Variants in ISOC1 observed in about 807,000 individuals in gnomAD.
ISOC1 encodes isochorismatase domain containing 1, also known as isochorismatase domain-containing protein 1.
Under a neutral mutation model 30.0 loss-of-function variants are expected in ISOC1, and 33 were observed. That is an observed-to-expected ratio of 1.10 (90% CI 0.83 to 1.47). The LOEUF (loss-of-function observed/expected upper bound fraction) is 1.47, where lower values mean the gene tolerates loss of function less well. ISOC1 is among the 40% of genes most tolerant of loss of function. The pLI is 0.00. For missense variants in ISOC1, 372 were observed against 388.0 expected (o/e 0.96, Z 0.35); for synonymous variants, 178 against 159.8 (o/e 1.11, Z -0.86).
chr5:129,109,314 G>A (rs1359625513), intron 4 of ISOC1, among the ~76,000 whole-genome samples: 1 of 152,166 alleles, frequency 6.6e-6, no homozygotes, highest in Non-Finnish European at 1.5e-5. Context: ...TTTCTCATTG[G>A]TGAAATGGAA....
At chr5:129,112,518 C>A (rs758635078) in intron 4 of ISOC1, among the ~76,000 whole-genome samples, 1 of 152,152 alleles carries the variant, frequency 6.6e-6, no homozygotes, top group Non-Finnish European at 1.5e-5. Context: ...GTGATGGGCA[C>A]GTAGTAACAA....
chr5:129,111,621 CT>C (rs972828933), intron 4 of ISOC1, among the ~76,000 whole-genome samples: 3 of 151,980 alleles, frequency 2.0e-5, no homozygotes, highest in South Asian at 2.1e-4. Context: ...CAGTTTGTGT[CT>C]TTTTTTTCCC....
intron 3 of ISOC1, 37 bp downstream of exon 3, chr5:129,105,425 T>A (rs1394108697): frequency 8.4e-6 from 13 of 1,540,038 alleles, no homozygotes; most frequent in Non-Finnish European, 1.2e-5. Flanking sequence ...CACAATATTA[T>A]TTATAGAAAA....
intron 3 of ISOC1, among the ~76,000 whole-genome samples, chr5:129,106,050 G>A (rs745451560): frequency 1.3e-5 from 2 of 152,122 alleles, no homozygotes; most frequent in African/African-American, 2.4e-5. Context: ...ATTTCCTCAG[G>A]CTTAGATGTA....
chr5:129,112,190 T>G (rs1352653037), intron 4 of ISOC1, among the ~76,000 whole-genome samples: 3 of 152,308 alleles, frequency 2.0e-5, no homozygotes, highest in African/African-American at 7.2e-5. Context: ...CAATTATATC[T>G]GTAGTACAGC....
chr5:129,098,574 T>C (rs552585631), intron 1 of ISOC1, among the ~76,000 whole-genome samples: 1 of 152,108 alleles, frequency 6.6e-6, no homozygotes, highest in Non-Finnish European at 1.5e-5. Context: ...CTACCACCAG[T>C]GCATTTTCCA....
rs1251002843 is a variant in ISOC1 at position 129,094,756 on chromosome 5, C to G, written c.-11C>G. 2 of 1,465,930 alleles carry G rather than the reference C, an allele frequency of 1.4e-6. No homozygotes were observed. The highest frequency in any genetic ancestry group is 1.8e-6 in the Non-Finnish European group (2 of 1,113,212). The allele number at this position is 1,465,930 out of a possible 1,614,324, so 90.8% of individuals were successfully genotyped here. On this transcript the variant is annotated 5_prime_UTR_variant, in exon 1 of 5. Coordinates refer to ENST00000173527, the MANE Select transcript of ISOC1 (RefSeq NM_016048.2). ...TGGGCGGCCTCGGAGCTCGCAGACG[C>G]TCGGGGGAACATGGCGGCTGCGGAG...
chr5:129,110,482 A>G (rs1753691807), intron 4 of ISOC1, among the ~76,000 whole-genome samples: 1 of 152,162 alleles, frequency 6.6e-6, no homozygotes, highest in African/African-American at 2.4e-5. Flanking sequence ...ATTGAAAACC[A>G]TTGCATTTGC....
intron 3 of ISOC1, among the ~76,000 whole-genome samples, chr5:129,106,593 A>T (rs1753640568): frequency 6.6e-6 from 1 of 152,182 alleles, no homozygotes; most frequent in African/African-American, 2.4e-5. Flanking sequence ...GAAGAAAAAA[A>T]CTCAAAGTCG....
chr5:129,104,936 T>A lies in ISOC1; in HGVS notation c.310-20T>A, dbSNP rs781232610. On this transcript the variant is annotated intron_variant, in intron 1 of 4. Transcript: ENST00000173527. The stretch of plus-strand genomic sequence containing the variant: ...CATTGTACAACAAGTGCTAAATCAT[T>A]CTTTTTCTTTTTTCCTCAGCTCACT... 3.1e-6 allele frequency: 5 copies of A among 1,610,054 alleles called. No homozygotes were observed. The Admixed American group carries it at 8.4e-5, about 27-fold the overall frequency.
intron 1 of ISOC1, among the ~76,000 whole-genome samples, chr5:129,095,373 T>C (rs1288748145): frequency 6.6e-6 from 1 of 152,204 alleles, no homozygotes; most frequent in Non-Finnish European, 1.5e-5. Flanking sequence ...GCATCCGCTT[T>C]TTATGCCAGG....
intron 1 of ISOC1, 90 bp downstream of exon 1, chr5:129,095,165 C>A (rs1753480358): frequency 2.9e-5 from 38 of 1,291,332 alleles, no homozygotes; most frequent in Non-Finnish European, 3.9e-5. Context: ...TCCTCAGGTG[C>A]CCCGAGCCGC....
chr5:129,106,100 C>G (rs1322715727), intron 3 of ISOC1, among the ~76,000 whole-genome samples: 1 of 152,090 alleles, frequency 6.6e-6, no homozygotes, highest in African/African-American at 2.4e-5. Flanking sequence ...AAAGAAGAAG[C>G]CTGTTTTGTA....
At chr5:129,111,969 C>G (rs933080911) in intron 4 of ISOC1, among the ~76,000 whole-genome samples, 4 of 152,062 alleles carry the variant, frequency 2.6e-5, no homozygotes, top group African/African-American at 7.2e-5. Flanking sequence ...CAGGGAGTCT[C>G]CTGACACAGA....
rs763073282 is a variant in ISOC1 at position 129,107,033 on chromosome 5, A to G, written c.721A>G (p.Ser241Gly). ...TGTTGCTGATGCCACCTCATCAAGAAGCATGATGGACAGGATGTTTGCCCT... is the reference window on the plus strand; with the variant it reads ...TGTTGCTGATGCCACCTCATCAAGAGGCATGATGGACAGGATGTTTGCCCT... ...HIVADATSSR[S>G]MMDRMFALER... The change falls in exon 4 of 5, where the codon AGC (serine) becomes GGC (glycine). Residue 241 changes from serine (S) to glycine (G), a missense_variant. Ser to Gly is a moderately conservative substitution (Grantham distance 56). Coordinates refer to ENST00000173527, the MANE Select transcript of ISOC1 (RefSeq NM_016048.2). The G allele has an allele frequency of 1.2e-6, 2 of 1,613,758 alleles. No homozygotes were observed. The highest frequency in any genetic ancestry group is 1.7e-6 in the Non-Finnish European group (2 of 1,179,720).
Position 129,113,058 on chromosome 5 carries a change from G to C in ISOC1, c.*57G>C. 1 of 1,489,288 alleles carries C rather than the reference G, an allele frequency of 6.7e-7. No individual in the cohort carries two copies. Among genetic ancestry groups the C allele is most frequent in the Non-Finnish European group, 9.1e-7 (1 of 1,099,936 alleles). 92.3% of individuals were successfully genotyped at this position (1,489,288 alleles called of 1,614,324 possible). ...GTGAAGGACAGTCAGGTGAAGGACT[G>C]TAAGCCCACACAAGCTCTTCTTATC... On this transcript the variant is annotated 3_prime_UTR_variant, in exon 5 of 5. Transcript: ENST00000173527.
Position 129,113,087 on chromosome 5 carries a change from A to C in ISOC1, c.*86A>C. The C allele has an allele frequency of 1.6e-6, 2 of 1,265,060 alleles. No individual in the cohort carries two copies. Among genetic ancestry groups the C allele is most frequent in the Non-Finnish European group, 2.1e-6 (2 of 932,642 alleles). The allele number at this position is 1,265,060 out of a possible 1,614,324, so 78.4% of individuals were successfully genotyped here. On this transcript the variant is annotated 3_prime_UTR_variant, in exon 5 of 5. Transcript: ENST00000173527. The stretch of plus-strand genomic sequence containing the variant: ...GCCCACACAAGCTCTTCTTATCTCT[A>C]CTAGAATTAAAATGTTAAGTCAAAA...
intron 4 of ISOC1, 23 bp downstream of exon 4, chr5:129,107,085 G>A (rs199646785): frequency 6.4e-7 from 1 of 1,556,312 alleles, no homozygotes; most frequent in East Asian, 2.3e-5. Flanking sequence ...CTTGGGAATA[G>A]ATCATTTGTC....
intron 1 of ISOC1, among the ~76,000 whole-genome samples, chr5:129,098,416 A>G (rs1205663305): frequency 1.3e-5 from 2 of 152,214 alleles, no homozygotes; most frequent in African/African-American, 2.4e-5. Flanking sequence ...ATTTTGAGAC[A>G]CGGGAAAGAA....
Sources: allele counts gnomAD v4.1 joint callset (sites outside exome capture counted in the v4.1 genomes callset), GRCh38; gene constraint gnomAD v4.1.1; transcripts MANE v1.5; gene names NCBI Gene and HGNC (gene_info 2026-07-23, HGNC 2026-07-21).